The following PBRM1 variants were observed in gnomAD, a reference collection of about 807,000 sequenced individuals.
PBRM1 encodes the protein polybromo 1.
A neutral mutation model predicts 194.5 loss-of-function variants in PBRM1; 27 were observed. The observed-to-expected ratio is 0.14, with a 90% CI of 0.10 to 0.19. The LOEUF is 0.19. Ranked by LOEUF, PBRM1 falls within the 10% of genes least tolerant of loss-of-function variation. The pLI, the probability that PBRM1 is intolerant of heterozygous loss-of-function variation, is 1.00. For missense variants in PBRM1, 1,466 were observed against 2,077.2 expected (o/e 0.71, Z 5.72); for synonymous variants, 655 against 693.2 (o/e 0.94, Z 0.87).
chr3:52,667,308 T>G (rs1290102903), intron 3 of PBRM1, among the ~76,000 whole-genome samples: 1 of 151,798 alleles, frequency 6.6e-6, no homozygotes, highest in Non-Finnish European at 1.5e-5. Flanking sequence ...TAAACTAAAA[T>G]AAAACATTTC....
chr3:52,583,120 A>C (rs1383499922), intron 20 of PBRM1, among the ~76,000 whole-genome samples: 39 of 121,242 alleles, frequency 3.2e-4, no homozygotes, highest in Admixed American at 4.5e-4. Flanking sequence ...AAAAAAAAAA[A>C]CTAATAGGGG....
intron 7 of PBRM1, among the ~76,000 whole-genome samples, chr3:52,646,184 T>G (rs2096284341): frequency 6.6e-6 from 1 of 152,234 alleles, no homozygotes; most frequent in Admixed American, 6.5e-5. Flanking sequence ...ATTCCTGATT[T>G]TCTCTCAGAA....
intron 19 of PBRM1, among the ~76,000 whole-genome samples, chr3:52,587,110 G>T (rs1221054233): frequency 1.3e-5 from 2 of 151,926 alleles, no homozygotes; most frequent in African/African-American, 4.8e-5. Flanking sequence ...TTAAAAATTA[G>T]CCTGGCAATA....
At chr3:52,574,815 A>C (rs2088862722) in intron 22 of PBRM1, among the ~76,000 whole-genome samples, 1 of 152,230 alleles carries the variant, frequency 6.6e-6, no homozygotes, top group East Asian at 1.9e-4. Flanking sequence ...TATTGGCTCC[A>C]CGTATTTACG....
rs2092408908 is a variant in PBRM1 at position 52,586,491 on chromosome 3, A to T, written c.3321T>A (p.Gly1107=). The change falls in exon 20 of 30, where the codon GGT becomes GGA. Residue 1107 remains glycine, a synonymous_variant. Coordinates refer to ENST00000296302, the Ensembl canonical transcript of PBRM1. ...AGTTGTCTGTATTCTTCTCATCATC[A>T]CCTTTATCTGCATTTGCAAATACAG... 4 of 1,613,838 alleles carry T rather than the reference A, an allele frequency of 2.5e-6. No individual in the cohort carries two copies. In the African/African-American group the frequency reaches 5.3e-5, roughly 22 times the overall value.
intron 10 of PBRM1, among the ~76,000 whole-genome samples, chr3:52,638,752 C>A (rs1043126938): frequency 6.6e-6 from 1 of 151,728 alleles, no homozygotes; most frequent in Non-Finnish European, 1.5e-5. Flanking sequence ...CACCACACCA[C>A]GCCCGGCTAA....
chr3:52,671,559 A>C, intron 2 of PBRM1, among the ~76,000 whole-genome samples: 1 of 152,248 alleles, frequency 6.6e-6, no homozygotes, highest in Non-Finnish European at 1.5e-5. Flanking sequence ...TAGTAGTTAC[A>C]AGAACTTGTG....
chr3:52,663,947 C>A (rs1157030066), intron 3 of PBRM1, among the ~76,000 whole-genome samples: 1 of 151,802 alleles, frequency 6.6e-6, no homozygotes, highest in Non-Finnish European at 1.5e-5. Context: ...GTAGTCCCAG[C>A]TACTTGGGAG....
intron 17 of PBRM1, among the ~76,000 whole-genome samples, chr3:52,602,197 G>T (rs1193741819): frequency 6.6e-6 from 1 of 152,180 alleles, no homozygotes; most frequent in East Asian, 1.9e-4. Context: ...TCATCAATTT[G>T]AGAGGTTTTC....
intron 3 of PBRM1, among the ~76,000 whole-genome samples, chr3:52,663,843 G>C (rs2096774516): frequency 6.6e-6 from 1 of 151,728 alleles, no homozygotes. Flanking sequence ...GGGGATCATG[G>C]GGTCAGAAGA....
intron 22 of PBRM1, among the ~76,000 whole-genome samples, chr3:52,566,158 C>T (rs2085158039): frequency 6.6e-6 from 1 of 151,580 alleles, no homozygotes; most frequent in African/African-American, 2.4e-5. Context: ...CATTAAGATG[C>T]CTGTATTAAA....
At chr3:52,614,218 A>C (rs1006287051) in intron 15 of PBRM1, among the ~76,000 whole-genome samples, 1 of 151,956 alleles carries the variant, frequency 6.6e-6, no homozygotes, top group Non-Finnish European at 1.5e-5. Context: ...TACTAAAAAT[A>C]CAAAAAACTG....
chr3:52,616,109 C>T (rs774800279), intron 14 of PBRM1, among the ~76,000 whole-genome samples: 4 of 152,166 alleles, frequency 2.6e-5, no homozygotes, highest in African/African-American at 4.8e-5. Flanking sequence ...CCTCCCTTGT[C>T]TGGCCACCTC....
At chr3:52,667,200 A>G (rs1023923870) in intron 3 of PBRM1, among the ~76,000 whole-genome samples, 3 of 152,174 alleles carry the variant, frequency 2.0e-5, no homozygotes, top group African/African-American at 7.2e-5. Context: ...AAACTATAAA[A>G]CTTTAAGAAA....
At chr3:52,645,615 G>A (rs763009409) in intron 7 of PBRM1, among the ~76,000 whole-genome samples, 1 of 151,844 alleles carries the variant, frequency 6.6e-6, no homozygotes, top group Non-Finnish European at 1.5e-5. Context: ...GTGTTTTGGG[G>A]CCATTATTAA....
At chr3:52,649,468 C>T (rs2096428344) in intron 6 of PBRM1, among the ~76,000 whole-genome samples, 2 of 152,194 alleles carry the variant, frequency 1.3e-5, no homozygotes, top group Non-Finnish European at 2.9e-5. Context: ...TGGCAAATTA[C>T]AGTGGTAACA....
chr3:52,638,533 A>G (rs376217567), intron 10 of PBRM1, among the ~76,000 whole-genome samples: 59 of 151,208 alleles, frequency 3.9e-4, no homozygotes, highest in African/African-American at 1.4e-3. Context: ...TAATTTTTCT[A>G]TTTTTAGTAG....
chr3:52,605,578 C>G (rs1576581908), intron 16 of PBRM1, among the ~76,000 whole-genome samples: 1 of 150,438 alleles, frequency 6.6e-6, no homozygotes, highest in African/African-American at 2.4e-5. Flanking sequence ...GATCAATAAT[C>G]TAAATGGGTG....
intron 2 of PBRM1, among the ~76,000 whole-genome samples, chr3:52,671,416 A>G (rs1157895745): frequency 1.3e-5 from 2 of 152,234 alleles, no homozygotes; most frequent in African/African-American, 2.4e-5. Context: ...AAAAGGAGGC[A>G]GCAGAGGGAC....
Sources: allele counts gnomAD v4.1 joint callset (sites outside exome capture counted in the v4.1 genomes callset), GRCh38; gene constraint gnomAD v4.1.1; transcripts MANE v1.5; gene names NCBI Gene and HGNC (gene_info 2026-07-23, HGNC 2026-07-21).